The following PRKCE variants were observed in gnomAD, a reference collection of about 807,000 sequenced individuals.
PRKCE encodes protein kinase C epsilon type.
A neutral mutation model predicts 85.4 loss-of-function variants in PRKCE; 16 were observed. The observed-to-expected ratio is 0.19, with a 90% CI of 0.13 to 0.28. The LOEUF is 0.28. Ranked by LOEUF, PRKCE falls within the 10% of genes least tolerant of loss-of-function variation. The pLI is 1.00. For missense variants in PRKCE, 573 were observed against 975.2 expected (o/e 0.59, Z 5.49); for synonymous variants, 388 against 371.5 (o/e 1.04, Z -0.51).
At chr2:45,723,851 C>A (rs1307049704) in intron 1 of PRKCE, among the ~76,000 whole-genome samples, 1 of 152,216 alleles carries the variant, frequency 6.6e-6, no homozygotes, top group Non-Finnish European at 1.5e-5. Flanking sequence ...GATCTGCCTG[C>A]CTCGGCCTCC....
At chr2:46,047,192 C>G (rs1708578536) in intron 10 of PRKCE, among the ~76,000 whole-genome samples, 1 of 152,138 alleles carries the variant, frequency 6.6e-6, no homozygotes, top group South Asian at 2.1e-4. Context: ...GCAGGCTGGG[C>G]CAGGTGAGTC....
At chr2:45,793,063 A>T (rs1344328240) in intron 1 of PRKCE, among the ~76,000 whole-genome samples, 1 of 152,174 alleles carries the variant, frequency 6.6e-6, no homozygotes, top group Non-Finnish European at 1.5e-5. Context: ...CCTCCCAAAG[A>T]GCTGGGATTA....
chr2:46,089,274 T>C (rs1669936699), intron 11 of PRKCE, among the ~76,000 whole-genome samples: 1 of 152,226 alleles, frequency 6.6e-6, no homozygotes, highest in Non-Finnish European at 1.5e-5. Flanking sequence ...TTCACATATG[T>C]ATATCCAGCA....
At chr2:45,781,370 C>G (rs59063506) in intron 1 of PRKCE, among the ~76,000 whole-genome samples, 1 of 152,162 alleles carries the variant, frequency 6.6e-6, no homozygotes, top group Admixed American at 6.5e-5. Context: ...CTACCTCTGA[C>G]TCCTGCTTAC....
chr2:45,925,997 G>T (rs1490984146), intron 2 of PRKCE, among the ~76,000 whole-genome samples: 1 of 152,242 alleles, frequency 6.6e-6, no homozygotes, highest in African/African-American at 2.4e-5. Context: ...GGAGAATTCA[G>T]TGGGGCTGAA....
At chr2:45,841,438 C>CA (rs1691342413) in intron 1 of PRKCE, among the ~76,000 whole-genome samples, 1 of 152,158 alleles carries the variant, frequency 6.6e-6, no homozygotes, top group Admixed American at 6.5e-5. Context: ...TGTTTGAGGG[C>CA]AAAAAGCATC....
intron 2 of PRKCE, among the ~76,000 whole-genome samples, chr2:45,951,160 A>C (rs1700594503): frequency 6.6e-6 from 1 of 152,190 alleles, no homozygotes; most frequent in African/African-American, 2.4e-5. Flanking sequence ...AGTTGATTAA[A>C]GTTACAGATT....
At chr2:45,820,243 CAT>C (rs764384046) in intron 1 of PRKCE, among the ~76,000 whole-genome samples, 42 of 152,162 alleles carry the variant, frequency 2.8e-4, no homozygotes, top group Non-Finnish European at 4.3e-4. Flanking sequence ...TCCTGGAACA[CAT>C]AGAACACTGC....
At chr2:45,822,820 G>A (rs1300539149) in intron 1 of PRKCE, among the ~76,000 whole-genome samples, 1 of 152,188 alleles carries the variant, frequency 6.6e-6, no homozygotes, top group African/African-American at 2.4e-5. Flanking sequence ...TGTAAGGAGA[G>A]TTGCTTCTTA....
rs115050123 is a variant in PRKCE, at chr2:45,869,471, G to T, written c.412+26408G>T. ...AAACACAAAATCTACCATTTATTTA[G>T]CACCTATTACACGCCAGGCACTGTG... On this transcript the variant is annotated intron_variant, in intron 2 of 14. Coordinates refer to ENST00000306156, the MANE Select transcript of PRKCE (RefSeq NM_005400.3). Among the ~76,000 whole-genome samples the T allele has an allele frequency of 7.2e-3, 1,089 of 152,144 alleles. 13 individuals carry two copies. The highest frequency in any genetic ancestry group is 0.025 in the African/African-American group (1,032 of 41,488).
intron 1 of PRKCE, among the ~76,000 whole-genome samples, chr2:45,743,698 G>C (rs1682776151): frequency 6.6e-6 from 1 of 152,148 alleles, no homozygotes; most frequent in Non-Finnish European, 1.5e-5. Context: ...TCCCCCGACT[G>C]CTTCTTTCAA....
chr2:45,829,868 T>C (rs1457378507), intron 1 of PRKCE, among the ~76,000 whole-genome samples: 1 of 151,560 alleles, frequency 6.6e-6, no homozygotes. Flanking sequence ...GGTCAGGAGA[T>C]CGAGACCATC....
intron 2 of PRKCE, among the ~76,000 whole-genome samples, chr2:45,863,361 A>G (rs930353144): frequency 3.9e-5 from 6 of 152,130 alleles, no homozygotes; most frequent in African/African-American, 1.4e-4. Context: ...ATTTAGTCTT[A>G]GAGACAGGCT....
intron 2 of PRKCE, among the ~76,000 whole-genome samples, chr2:45,860,728 G>A (rs186614506): frequency 1.3e-5 from 2 of 152,242 alleles, no homozygotes; most frequent in East Asian, 3.9e-4. Context: ...TGCCCACTTT[G>A]GCCAGTGCTC....
chr2:46,049,606 A>G (rs1221697775), intron 10 of PRKCE, among the ~76,000 whole-genome samples: 1 of 152,218 alleles, frequency 6.6e-6, no homozygotes, highest in Non-Finnish European at 1.5e-5. Flanking sequence ...TACCCGCTGC[A>G]GGAAATACCT....
At chr2:45,715,981 G>C (rs1421362404) in intron 1 of PRKCE, among the ~76,000 whole-genome samples, 2 of 152,076 alleles carry the variant, frequency 1.3e-5, no homozygotes, top group Non-Finnish European at 2.9e-5. Flanking sequence ...CCCAGTGCTG[G>C]GCCCACATTC....
chr2:45,888,465 C>CTTTTTTTTTTT (rs34871432), intron 2 of PRKCE, among the ~76,000 whole-genome samples: 1 of 74,752 alleles, frequency 1.3e-5, no homozygotes, highest in African/African-American at 5.3e-5. Context: ...TCCCAACAGT[C>CTTTTTTTTTTT]TTTTTTTTTT....
At chr2:46,100,439 C>T (rs562075902) in intron 11 of PRKCE, among the ~76,000 whole-genome samples, 10 of 152,286 alleles carry the variant, frequency 6.6e-5, no homozygotes, top group East Asian at 3.9e-4. Flanking sequence ...GCAGAGCTCC[C>T]GCAAGGGGCT....
Position 45,971,044 on chromosome 2 carries a change from C to T in PRKCE, c.413-5385C>T, listed in dbSNP as rs567278536. Among the ~76,000 whole-genome samples the T allele has an allele frequency of 6.6e-5, 10 of 152,076 alleles. No individual in the cohort carries two copies. In the South Asian group the frequency reaches 1.2e-3, roughly 19 times the overall value. Reference sequence around the variant, plus strand: ...GTGATAATGCTTAACATAAGATGTACGCTTTCAGCAAATTAAGTATACAAT... The same window carrying T: ...GTGATAATGCTTAACATAAGATGTATGCTTTCAGCAAATTAAGTATACAAT... On this transcript the variant is annotated intron_variant, in intron 2 of 14. Coordinates refer to ENST00000306156, the MANE Select transcript of PRKCE (RefSeq NM_005400.3).
Sources: gnomAD v4.1 joint callset for allele counts (sites outside exome capture counted in the v4.1 genomes callset) on GRCh38, gnomAD v4.1.1 for gene constraint, MANE v1.5 for transcripts, NCBI Gene and HGNC (gene_info 2026-07-23, HGNC 2026-07-21) for gene names.